NALF1: variants seen among roughly 807,000 people sequenced by gnomAD.
NALF1 encodes NALCN channel auxiliary factor 1, also known as family with sequence similarity 155 member A.
A neutral mutation model predicts 48.4 loss-of-function variants in NALF1; 3 were observed. That is an observed-to-expected ratio of 0.06 (90% CI 0.03 to 0.16). The LOEUF is 0.16. Among genes scored for constraint, NALF1 ranks in the 10% least tolerant of loss-of-function variants. NALF1 has a pLI of 1.00. For missense variants in NALF1, 526 were observed against 571.5 expected (o/e 0.92, Z 0.81); for synonymous variants, 262 against 245.7 (o/e 1.07, Z -0.62).
chr13:107,603,348 C>A (rs1468113522), intron 1 of NALF1, among the ~76,000 whole-genome samples: 1 of 152,076 alleles, frequency 6.6e-6, no homozygotes, highest in Non-Finnish European at 1.5e-5. Context: ...CATGTGCTAG[C>A]CAAAATTGCT....
In NALF1 at chr13:107,389,288, C is replaced by T. The variant is rs144717255; in HGVS notation, c.916-178533G>A. 2.9e-3 allele frequency among the ~76,000 whole-genome samples: 446 copies of T among 152,278 alleles called. 3 individuals carry two copies. The highest frequency in any genetic ancestry group is 0.01 in the African/African-American group (421 of 41,556). ...CAAAAAGATATGTTCGGGTCCTAAC[C>T]CCCAGTACCTCACAATGTGACCTCA... On this transcript the variant is annotated intron_variant, in intron 1 of 2. Transcript: ENST00000375915.
chr13:107,313,769 A>G (rs994678071), intron 1 of NALF1, among the ~76,000 whole-genome samples: 1 of 152,168 alleles, frequency 6.6e-6, no homozygotes, highest in African/African-American at 2.4e-5. Context: ...AAGGCAGATC[A>G]ATGACTCAAA....
At chr13:107,864,711 C>T (rs1880662996) in intron 1 of NALF1, among the ~76,000 whole-genome samples, 1 of 152,164 alleles carries the variant, frequency 6.6e-6, no homozygotes, top group Non-Finnish European at 1.5e-5. Flanking sequence ...CAGTACAGCT[C>T]TTGGGTAAAT....
chr13:107,602,184 T>C (rs888077361), intron 1 of NALF1, among the ~76,000 whole-genome samples: 1 of 152,144 alleles, frequency 6.6e-6, no homozygotes, highest in African/African-American at 2.4e-5. Flanking sequence ...AAATGACAGG[T>C]TTGGCCAAGA....
At chr13:107,484,982 C>T (rs542350742) in intron 1 of NALF1, among the ~76,000 whole-genome samples, 5 of 152,256 alleles carry the variant, frequency 3.3e-5, no homozygotes, top group Non-Finnish European at 5.9e-5. Context: ...AGCAGTGGAA[C>T]ATAATGGGAT....
intron 1 of NALF1, among the ~76,000 whole-genome samples, chr13:107,780,262 G>A (rs372045179): frequency 4.6e-5 from 7 of 151,660 alleles, no homozygotes; most frequent in African/African-American, 1.2e-4. Context: ...CTTAATTTCC[G>A]TATTTCAGCT....
chr13:107,620,083 C>A (rs1484048339), intron 1 of NALF1, among the ~76,000 whole-genome samples: 1 of 152,078 alleles, frequency 6.6e-6, no homozygotes, highest in Non-Finnish European at 1.5e-5. Context: ...GCCTTTTAAA[C>A]TGAATAATCC....
chr13:107,838,238 T>G lies in NALF1; in HGVS notation c.915+27444A>C, dbSNP rs1010837614. On this transcript the variant is annotated intron_variant, in intron 1 of 2. Coordinates refer to ENST00000375915, the MANE Select transcript of NALF1 (RefSeq NM_001080396.3). Reference sequence around the variant, plus strand: ...GCCAGCATCATCGGCACCTGGGGGATTGTCAGAAAAGCACCCTCAGACCCA... The same window carrying G: ...GCCAGCATCATCGGCACCTGGGGGAGTGTCAGAAAAGCACCCTCAGACCCA... Among the ~76,000 whole-genome samples, 5 of 152,018 alleles carry G rather than the reference T, an allele frequency of 3.3e-5. No homozygotes were observed. The East Asian group carries it at 7.8e-4, about 24-fold the overall frequency.
At chr13:107,347,136 C>T (rs1204134952) in intron 1 of NALF1, among the ~76,000 whole-genome samples, 1 of 152,084 alleles carries the variant, frequency 6.6e-6, no homozygotes, top group Non-Finnish European at 1.5e-5. Flanking sequence ...GCAAGGTACC[C>T]ACAAGCGCCA....
intron 1 of NALF1, among the ~76,000 whole-genome samples, chr13:107,482,494 T>A (rs2139062242): frequency 6.6e-6 from 1 of 152,214 alleles, no homozygotes; most frequent in Admixed American, 6.5e-5. Flanking sequence ...TCAGATATAG[T>A]TTGGTGAGCA....
intron 1 of NALF1, among the ~76,000 whole-genome samples, chr13:107,614,370 T>C (rs1879322115): frequency 6.6e-6 from 1 of 152,236 alleles, no homozygotes; most frequent in Admixed American, 6.5e-5. Context: ...CTGTCTCCTA[T>C]ATCCTGAGAT....
chr13:107,566,642 C>T (rs1239627556), intron 1 of NALF1, among the ~76,000 whole-genome samples: 1 of 152,230 alleles, frequency 6.6e-6, no homozygotes, highest in Non-Finnish European at 1.5e-5. Flanking sequence ...TTTCAGACAT[C>T]TTCAGAATGT....
intron 1 of NALF1, among the ~76,000 whole-genome samples, chr13:107,308,385 G>A (rs1214851595): frequency 2.0e-5 from 3 of 151,804 alleles, no homozygotes; most frequent in Admixed American, 2.0e-4. Flanking sequence ...TGTATTTTCA[G>A]TAGAGACGGG....
intron 1 of NALF1, among the ~76,000 whole-genome samples, chr13:107,485,603 T>C (rs1885317069): frequency 6.6e-6 from 1 of 152,218 alleles, no homozygotes; most frequent in Non-Finnish European, 1.5e-5. Flanking sequence ...GCAGAGGTCA[T>C]GCCTCATTTA....
At chr13:107,197,491 C>T (rs559216936) in intron 2 of NALF1, among the ~76,000 whole-genome samples, 1 of 152,248 alleles carries the variant, frequency 6.6e-6, no homozygotes, top group African/African-American at 2.4e-5. Flanking sequence ...TATTTATTTG[C>T]TAAATTTAAT....
At chr13:107,463,377 T>C (rs1884950666) in intron 1 of NALF1, among the ~76,000 whole-genome samples, 1 of 152,172 alleles carries the variant, frequency 6.6e-6, no homozygotes, top group African/African-American at 2.4e-5. Flanking sequence ...CATTATTCTA[T>C]GTAACCTGTT....
At chr13:107,858,310 G>A (rs1462526173) in intron 1 of NALF1, among the ~76,000 whole-genome samples, 1 of 152,194 alleles carries the variant, frequency 6.6e-6, no homozygotes, top group Admixed American at 6.5e-5. Flanking sequence ...TTATAATAAT[G>A]TCTTAATTCT....
intron 1 of NALF1, among the ~76,000 whole-genome samples, chr13:107,234,601 C>T (rs940296314): frequency 7.9e-5 from 12 of 152,178 alleles, no homozygotes; most frequent in African/African-American, 2.6e-4. Context: ...GAAGAACCTC[C>T]GAGATCATCT....
chr13:107,462,695 C>T (rs1884938368), intron 1 of NALF1, among the ~76,000 whole-genome samples: 1 of 152,144 alleles, frequency 6.6e-6, no homozygotes, highest in African/African-American at 2.4e-5. Context: ...AGCTAGTTCC[C>T]AGAGAAACCC....
Sources: allele counts gnomAD v4.1 joint callset (sites outside exome capture counted in the v4.1 genomes callset), GRCh38; gene constraint gnomAD v4.1.1; transcripts MANE v1.5; gene names NCBI Gene and HGNC (gene_info 2026-07-23, HGNC 2026-07-21).